ZAN: variants seen among roughly 807,000 people sequenced by gnomAD.
ZAN encodes the protein zonadhesin (gene/pseudogene).
ZAN carries 260 observed loss-of-function variants against 286.2 expected under a neutral mutation model. The observed-to-expected ratio is 0.91, with a 90% confidence interval of 0.82 to 1.01. ZAN has a LOEUF of 1.01. ZAN is among the 50% of genes least tolerant of loss of function. The pLI is 0.00. For missense variants in ZAN, 3,410 were observed against 3,639.2 expected, an observed-to-expected ratio of 0.94 and a Z score of 1.62; for synonymous variants, 1,368 against 1,417.5, an observed-to-expected ratio of 0.97 and a Z score of 0.79.
chr7:100,776,641 C>G, intron 34 of ZAN, 77 bp downstream of exon 34: 1 of 1,177,942 alleles, frequency 8.5e-7, no homozygotes. Flanking sequence ...CTTCCCTTCC[C>G]TTCCCTCCCC....
intron 15 of ZAN, among the ~76,000 whole-genome samples, chr7:100,757,741 T>G (rs1320170173): frequency 3.6e-5 from 4 of 111,884 alleles, no homozygotes; most frequent in Non-Finnish European, 5.4e-5. Flanking sequence ...GGTGACAGAG[T>G]GAGACTCCGT....
chr7:100,791,116 G>A lies in ZAN; in HGVS notation c.7529+3G>A, dbSNP rs752883766. On this transcript the variant is annotated splice_donor_region_variant and intron_variant, in intron 40 of 47. Coordinates refer to ENST00000613979, the MANE Select transcript of ZAN (RefSeq NM_003386.3). The stretch of plus-strand genomic sequence containing the variant: ...GACGCACTCCTGCGCTTCCCCAGGT[G>A]CACGGCCTGGAAGGGATGAGGCGGG... The A allele has an allele frequency of 7.4e-5, 119 of 1,609,146 alleles. No individual in the cohort carries two copies. Among genetic ancestry groups the A allele is most frequent in the Non-Finnish European group, 8.9e-5 (105 of 1,178,978 alleles).
chr7:100,746,434 TG>T, intron 7 of ZAN, 103 bp from the exon 8 acceptor site: 1 of 1,422,320 alleles, frequency 7.0e-7, no homozygotes, highest in Non-Finnish European at 9.5e-7. Context: ...AGGCTGCTGT[TG>T]GGGATCCCCA....
At chr7:100,793,441 T>TTTGTTG in intron 42 of ZAN, among the ~76,000 whole-genome samples, 1 of 152,050 alleles carries the variant, frequency 6.6e-6, no homozygotes, top group Non-Finnish European at 1.5e-5. Context: ...TGTTTTTGTT[T>TTTGTTG]TTGTTGTTGT....
At chr7:100,792,208 G>T in intron 41 of ZAN, 60 bp downstream of exon 41, 1 of 1,514,746 alleles carries the variant, frequency 6.6e-7, no homozygotes, top group African/African-American at 1.4e-5. Context: ...GTCTTTCCCT[G>T]GGGCCTCCTG....
rs373670512 is a variant in ZAN, at chr7:100,771,964, C to T, written c.5369C>T (p.Ala1790Val). 1.3e-5 allele frequency: 21 copies of T among 1,610,292 alleles called. No individual in the cohort carries two copies. Among genetic ancestry groups the T allele is most frequent in the African/African-American group, 2.7e-5 (2 of 74,904 alleles). Residue 1790 changes from alanine to valine, a missense_variant, in exon 29 of 48, where the codon GCG becomes GTG. Physicochemically the swap from Ala to Val is moderately conservative, Grantham distance 64. Around this residue, in one of 7 missense-constraint regions of ZAN, gnomAD observed 1,289 missense variants for 1,314.3 expected, o/e 0.98. Coordinates refer to ENST00000613979, the MANE Select transcript of ZAN (RefSeq NM_003386.3). Reference protein sequence around the residue: ...TALCRSLQAYASLCAQAGQAP... With the variant: ...TALCRSLQAYVSLCAQAGQAP... The stretch of plus-strand genomic sequence containing the variant: ...CTGTGCCGCTCCCTGCAGGCCTACG[C>T]GTCCCTGTGTGCCCAGGCTGGCCAG...
intron 9 of ZAN, 75 bp from the exon 10 acceptor site, chr7:100,748,062 T>G: frequency 2.4e-6 from 3 of 1,230,120 alleles, no homozygotes; most frequent in Non-Finnish European, 3.6e-6. Flanking sequence ...GGTCCTGGAA[T>G]GGAGTCGAGT....
At chr7:100,750,215 C>T (rs1244894977) in intron 11 of ZAN, among the ~76,000 whole-genome samples, 6 of 151,770 alleles carry the variant, frequency 4.0e-5, no homozygotes, top group African/African-American at 1.5e-4. Flanking sequence ...TGGCTCACTG[C>T]AACCTCCACC....
chr7:100,796,154 ATCT>A (rs982822876), intron 45 of ZAN, among the ~76,000 whole-genome samples: 3 of 151,934 alleles, frequency 2.0e-5, no homozygotes, highest in Non-Finnish European at 4.4e-5. Flanking sequence ...ATACTGTGAA[ATCT>A]TCTCTCTGAA....
rs531150006 is a variant in ZAN at position 100,734,911 on chromosome 7, C to T, written c.53+690C>T. 2.1e-5 allele frequency among the ~76,000 whole-genome samples: 3 copies of T among 140,988 alleles called. 1 individual carries two copies. Among genetic ancestry groups the T allele is most frequent in the East Asian group, 2.0e-4 (1 of 4,884 alleles). 92.5% of individuals were successfully genotyped at this position (140,988 alleles called of 152,430 possible). A position where few individuals can be genotyped will look rare whatever the true frequency, so the allele number is the denominator to read the frequency against. On this transcript the variant is annotated intron_variant, in intron 2 of 47. Transcript: ENST00000613979. ...AAGAAATGACGGATGACAGGCCAAG[C>T]GCGGCGGCTCACCCCTGTAATCCCA...
In ZAN at chr7:100,794,168, GCCAGCTCACGGAT is replaced by G. The variant is rs1288397447; in HGVS notation, c.8038_8050del (p.Ser2680CysfsTer94). 4 of 1,613,906 alleles carry G rather than the reference GCCAGCTCACGGAT, an allele frequency of 2.5e-6. No individual in the cohort carries two copies. Among genetic ancestry groups the G allele is most frequent in the Admixed American group, 1.7e-5 (1 of 59,996 alleles). ...GGACTGCTCTCAGCGGTGCACCTGT[GCCAGCTCACGGAT>G]CCTGCTGTGTGAGCCCTTCAGCTGC... On this transcript the variant is annotated frameshift_variant, in exon 44 of 48. Transcript: ENST00000613979. LOFTEE classifies it high-confidence loss of function.
chr7:100,745,142 C>T (rs1000650019), intron 7 of ZAN, among the ~76,000 whole-genome samples: 1 of 151,780 alleles, frequency 6.6e-6, no homozygotes, highest in Non-Finnish European at 1.5e-5. Flanking sequence ...CCTCGGTCTC[C>T]CAAAGTGCTG....
rs1038382416 is a variant in ZAN, at chr7:100,772,607, G to A, written c.5425+587G>A. Reference sequence around the variant, plus strand: ...GAGGCCGAGGCAGGTGGATCACGAGGTCAGGAGATCGAGACCATCCTGGCT... The same window carrying A: ...GAGGCCGAGGCAGGTGGATCACGAGATCAGGAGATCGAGACCATCCTGGCT... On this transcript the variant is annotated intron_variant, in intron 29 of 47. Coordinates refer to ENST00000613979, the MANE Select transcript of ZAN (RefSeq NM_003386.3). 3.9e-5 allele frequency among the ~76,000 whole-genome samples: 6 copies of A among 151,982 alleles called. No homozygotes were observed. In the East Asian group the frequency reaches 9.9e-4, roughly 25 times the overall value.
At chr7:100,785,557 A>G (rs1336475137) in intron 36 of ZAN, among the ~76,000 whole-genome samples, 1 of 151,964 alleles carries the variant, frequency 6.6e-6, no homozygotes, top group Non-Finnish European at 1.5e-5. Context: ...GGATGACCAA[A>G]TGACACTGTG....
At chr7:100,768,875 C>CAAGATTG (rs1810194525) in intron 27 of ZAN, among the ~76,000 whole-genome samples, 154 bp downstream of exon 27, 1 of 152,132 alleles carries the variant, frequency 6.6e-6, no homozygotes, top group South Asian at 2.1e-4. Context: ...TTAGACTCTC[C>CAAGATTG]AAGATTGGAG....
At position 100,765,472 on chromosome 7, in the gene ZAN, A is replaced by C; in HGVS notation, c.4388A>C (p.Asn1463Thr). The change falls in exon 23 of 48, where the codon AAT becomes ACT. Residue 1463 changes from asparagine to threonine, a missense_variant. Physicochemically the swap from Asn to Thr is moderately conservative, Grantham distance 65. This residue lies in a region of ZAN where 1,042 missense variants were observed against 1,058.0 expected (regional missense o/e 0.98). Transcript: ENST00000613979. Reference sequence around the variant, plus strand: ...CGGTGCGTGGAGGCCTGTGAATGCAATCCGGGCTTCGTCCTCAGTGGCCTC... The same window carrying C: ...CGGTGCGTGGAGGCCTGTGAATGCACTCCGGGCTTCGTCCTCAGTGGCCTC... The part of the protein sequence containing the change: ...SDRCVEACEC[N>T]PGFVLSGLEC... 1 of 1,613,482 alleles carries C rather than the reference A, an allele frequency of 6.2e-7. No homozygotes were observed. The highest frequency in any genetic ancestry group is 8.5e-7 in the Non-Finnish European group (1 of 1,179,714).
At position 100,765,599 on chromosome 7, in the gene ZAN, C is replaced by G. The variant is rs577729695; in HGVS notation, c.4470+45C>G. Reference sequence around the variant, plus strand: ...TCTCAGCCCTGCAGCTAGAAAGGGCCTGCTCCCTGCTCTCACACCCCCTGC... The same window carrying G: ...TCTCAGCCCTGCAGCTAGAAAGGGCGTGCTCCCTGCTCTCACACCCCCTGC... On this transcript the variant is annotated intron_variant, in intron 23 of 47. Coordinates refer to ENST00000613979, the MANE Select transcript of ZAN (RefSeq NM_003386.3). 39 of 1,539,732 alleles carry G rather than the reference C, an allele frequency of 2.5e-5. 2 individuals are homozygous for G. The South Asian group carries it at 4.3e-4, about 17-fold the overall frequency.
At position 100,758,419 on chromosome 7, in the gene ZAN, G is replaced by C. The variant is rs531790131; in HGVS notation, c.3451+76G>C. The stretch of plus-strand genomic sequence containing the variant: ...CGTGACGCCAGGATCCCAATCCCTC[G>C]CTTGAGCAGAGGATTGGGGGCCTGC... On this transcript the variant is annotated intron_variant, in intron 16 of 47. Transcript: ENST00000613979. 6.9e-6 allele frequency: 11 copies of C among 1,588,974 alleles called. No homozygotes were observed. The Admixed American group carries it at 1.0e-4, about 15-fold the overall frequency.
At chr7:100,736,744 G>C (rs1807321232) in intron 4 of ZAN, 65 bp from the exon 5 acceptor site, 1 of 1,457,424 alleles carries the variant, frequency 6.9e-7, no homozygotes, top group South Asian at 1.2e-5. Context: ...CTCTGAGAAG[G>C]GGATGGGTGG....
Sources: allele counts gnomAD v4.1 joint callset (sites outside exome capture counted in the v4.1 genomes callset), GRCh38; gene constraint gnomAD v4.1.1; regional missense constraint gnomAD v4.1.1; transcripts MANE v1.5; gene names NCBI Gene and HGNC (gene_info 2026-07-23, HGNC 2026-07-21).